The following SLC9A9 variants were observed in gnomAD, a reference collection of about 807,000 sequenced individuals.
SLC9A9 encodes the protein sodium/hydrogen exchanger 9.
A neutral mutation model predicts 77.8 loss-of-function variants in SLC9A9; 62 were observed. That is an observed-to-expected ratio of 0.80 (90% CI 0.65 to 0.98). The LOEUF is 0.98. SLC9A9 is among the 50% of genes least tolerant of loss of function. The probability of loss-of-function intolerance (pLI) is 0.00; values close to 1 mark genes in which losing one functional copy is unlikely to be tolerated. For missense variants in SLC9A9, 775 were observed against 774.9 expected (o/e 1.00, Z 0.00); for synonymous variants, 320 against 283.5 (o/e 1.13, Z -1.29).
At chr3:143,618,601 G>A (rs1311843508) in intron 6 of SLC9A9, among the ~76,000 whole-genome samples, 2 of 152,148 alleles carry the variant, frequency 1.3e-5, no homozygotes, top group Non-Finnish European at 2.9e-5. Context: ...TGGTGAGAGA[G>A]AGGTGGCCTT....
intron 6 of SLC9A9, among the ~76,000 whole-genome samples, chr3:143,614,805 C>A (rs1233543764): frequency 6.6e-6 from 1 of 152,142 alleles, no homozygotes; most frequent in Admixed American, 6.5e-5. Context: ...TATTATCTGA[C>A]TAAGCTTTTC....
chr3:143,521,844 T>A (rs1212510139), intron 9 of SLC9A9, among the ~76,000 whole-genome samples: 1 of 152,118 alleles, frequency 6.6e-6, no homozygotes, highest in African/African-American at 2.4e-5. Flanking sequence ...AACTTTATAA[T>A]CTTTAGTTAT....
chr3:143,276,705 A>T lies in SLC9A9; in HGVS notation c.1605-7725T>A, dbSNP rs915048690. ...ATTATCAAAATGAACAACCTATATCACAACTCCTATATGAGTCAGATGATA... is the reference window on the plus strand; with the variant it reads ...ATTATCAAAATGAACAACCTATATCTCAACTCCTATATGAGTCAGATGATA... On this transcript the variant is annotated intron_variant, in intron 14 of 15. Coordinates refer to ENST00000316549, the MANE Select transcript of SLC9A9 (RefSeq NM_173653.4). 2.0e-5 allele frequency among the ~76,000 whole-genome samples: 3 copies of T among 152,286 alleles called. No individual in the cohort carries two copies. The East Asian group carries it at 5.8e-4, about 29-fold the overall frequency.
intron 2 of SLC9A9, among the ~76,000 whole-genome samples, chr3:143,829,448 T>C (rs2009380703): frequency 6.6e-6 from 1 of 152,058 alleles, no homozygotes; most frequent in African/African-American, 2.4e-5. Context: ...CATTCTGAGT[T>C]CAATCCCTAC....
At chr3:143,547,551 C>T (rs959649480) in intron 9 of SLC9A9, among the ~76,000 whole-genome samples, 1 of 152,212 alleles carries the variant, frequency 6.6e-6, no homozygotes, top group Non-Finnish European at 1.5e-5. Context: ...CTCATTTGGG[C>T]TCTCCATGAC....
chr3:143,347,665 A>G (rs1031060622), intron 14 of SLC9A9, among the ~76,000 whole-genome samples: 1 of 152,182 alleles, frequency 6.6e-6, no homozygotes, highest in Admixed American at 6.5e-5. Context: ...GCCCTTTGCT[A>G]TAACAAAAAG....
intron 14 of SLC9A9, among the ~76,000 whole-genome samples, chr3:143,299,865 C>CT (rs2030442303): frequency 1.3e-5 from 2 of 152,190 alleles, no homozygotes; most frequent in South Asian, 4.1e-4. Flanking sequence ...GGTTCTGAGC[C>CT]TTATCCTGGC....
chr3:143,474,621 T>C (rs1422285737), intron 11 of SLC9A9, among the ~76,000 whole-genome samples: 1 of 151,912 alleles, frequency 6.6e-6, no homozygotes, highest in Non-Finnish European at 1.5e-5. Flanking sequence ...ATAAGGGCGA[T>C]CAAGGGTTGT....
chr3:143,727,266 A>T (rs1396489311), intron 4 of SLC9A9, among the ~76,000 whole-genome samples: 2 of 152,154 alleles, frequency 1.3e-5, no homozygotes, highest in Admixed American at 6.5e-5. Context: ...TTCTAATCAA[A>T]GTAGTGCAAA....
chr3:143,508,499 A>T (rs1037962064), intron 9 of SLC9A9, among the ~76,000 whole-genome samples: 1 of 152,250 alleles, frequency 6.6e-6, no homozygotes, highest in African/African-American at 2.4e-5. Flanking sequence ...TTAGTTTCAT[A>T]ACCAGCTTGA....
At chr3:143,293,635 C>T (rs1050263298) in intron 14 of SLC9A9, among the ~76,000 whole-genome samples, 1 of 152,088 alleles carries the variant, frequency 6.6e-6, no homozygotes, top group Non-Finnish European at 1.5e-5. Flanking sequence ...TGAATATGAT[C>T]TGGGATTGAG....
At chr3:143,401,253 T>C (rs2033850017) in intron 12 of SLC9A9, among the ~76,000 whole-genome samples, 1 of 152,146 alleles carries the variant, frequency 6.6e-6, no homozygotes, top group Non-Finnish European at 1.5e-5. Context: ...CTCAGCTCCT[T>C]AATCCCTCTC....
chr3:143,656,134 C>T (rs2038883818), intron 5 of SLC9A9, among the ~76,000 whole-genome samples: 1 of 152,008 alleles, frequency 6.6e-6, no homozygotes, highest in African/African-American at 2.4e-5. Flanking sequence ...GAGTTAGAGG[C>T]TACAGGAAGG....
chr3:143,306,575 C>T (rs1365915545), intron 14 of SLC9A9, among the ~76,000 whole-genome samples: 1 of 152,128 alleles, frequency 6.6e-6, no homozygotes, highest in East Asian at 1.9e-4. Context: ...GATGAATCAC[C>T]AGGGCCTGGC....
chr3:143,709,109 C>T (rs4839655), intron 4 of SLC9A9, among the ~76,000 whole-genome samples: 90,132 of 151,934 alleles, frequency 0.59, 26,975 homozygotes, highest in Non-Finnish European at 0.61. Flanking sequence ...AATTCACAGG[C>T]GTGGGCGGCA....
intron 12 of SLC9A9, among the ~76,000 whole-genome samples, chr3:143,463,652 C>T (rs1287732812): frequency 6.6e-6 from 1 of 152,130 alleles, no homozygotes; most frequent in Non-Finnish European, 1.5e-5. Context: ...ACATGAAAAC[C>T]TCCAAAATAA....
intron 14 of SLC9A9, among the ~76,000 whole-genome samples, chr3:143,289,371 T>A (rs1346133207): frequency 6.6e-6 from 1 of 152,212 alleles, no homozygotes; most frequent in Non-Finnish European, 1.5e-5. Flanking sequence ...TTTTTTTAAA[T>A]GTCCCTTTGT....
At chr3:143,695,133 T>C (rs1441196576) in intron 4 of SLC9A9, among the ~76,000 whole-genome samples, 3 of 152,056 alleles carry the variant, frequency 2.0e-5, no homozygotes, top group Non-Finnish European at 4.4e-5. Context: ...TCTTGACAAG[T>C]ATAGGGTAGC....
chr3:143,281,996 G>A (rs911064239), intron 14 of SLC9A9, among the ~76,000 whole-genome samples: 1 of 152,148 alleles, frequency 6.6e-6, no homozygotes, highest in Non-Finnish European at 1.5e-5. Flanking sequence ...CTGGGCCTTT[G>A]CAAATGCTGT....
Sources: gnomAD v4.1 joint callset for allele counts (sites outside exome capture counted in the v4.1 genomes callset) on GRCh38, gnomAD v4.1.1 for gene constraint, MANE v1.5 for transcripts, NCBI Gene and HGNC (gene_info 2026-07-23, HGNC 2026-07-21) for gene names.